Variants in SLIT1 observed in about 807,000 individuals in gnomAD.
SLIT1 encodes the protein slit guidance ligand 1.
A neutral mutation model predicts 186.1 loss-of-function variants in SLIT1; 66 were observed. The observed-to-expected ratio is 0.35, with a 90% CI of 0.29 to 0.44. The LOEUF (loss-of-function observed/expected upper bound fraction) is 0.44. Ranked by LOEUF, SLIT1 falls within the 20% of genes least tolerant of loss-of-function variation. SLIT1 has a pLI of 1.00. For missense variants in SLIT1, 1,638 were observed against 2,037.4 expected, an observed-to-expected ratio of 0.80 and a Z score of 3.77; for synonymous variants, 761 against 833.8, an observed-to-expected ratio of 0.91 and a Z score of 1.50.
intron 4 of SLIT1, among the ~76,000 whole-genome samples, chr10:97,144,981 A>G (rs1849801803): frequency 1.3e-5 from 2 of 152,280 alleles, no homozygotes; most frequent in South Asian, 4.2e-4. Context: ...ATCAGTACCC[A>G]GGATCACTGG....
chr10:97,136,194 T>G (rs1357245922), intron 4 of SLIT1, among the ~76,000 whole-genome samples: 1 of 152,144 alleles, frequency 6.6e-6, no homozygotes, highest in African/African-American at 2.4e-5. Flanking sequence ...TGTGTCACCT[T>G]GTCCCCTCAT....
At chr10:97,137,759 T>C (rs903680451) in intron 4 of SLIT1, among the ~76,000 whole-genome samples, 1 of 152,140 alleles carries the variant, frequency 6.6e-6, no homozygotes, top group Non-Finnish European at 1.5e-5. Flanking sequence ...CTAATTTTTG[T>C]ATTTTCTGTA....
At chr10:97,066,652 G>A (rs539674924) in intron 4 of SLIT1, among the ~76,000 whole-genome samples, 9 of 152,246 alleles carry the variant, frequency 5.9e-5, no homozygotes, top group East Asian at 1.9e-4. Context: ...TCAGGCTTCC[G>A]CCATGAGAAA....
At position 97,004,374 on chromosome 10, in the gene SLIT1, A is replaced by G; in HGVS notation, c.3711-152T>C. The G allele has an allele frequency of 1.2e-6, 1 of 806,270 alleles. No homozygotes were observed. The highest frequency in any genetic ancestry group is 2.7e-5 in the Admixed American group (1 of 37,188). 49.9% of individuals were successfully genotyped at this position (806,270 alleles called of 1,614,324 possible). On this transcript the variant is annotated intron_variant, in intron 33 of 36. Transcript: ENST00000266058. The surrounding 1 kb of genome is among the most constrained non-coding windows in gnomAD (Gnocchi z 5.1). ...TGGGGGCTCAAGGGTCTATCGCATG[A>G]TCCCTTTCACTCCCCTTCTTTGACT...
chr10:97,041,968 T>C (rs910816299), intron 20 of SLIT1, among the ~76,000 whole-genome samples: 2 of 152,086 alleles, frequency 1.3e-5, no homozygotes, highest in Non-Finnish European at 2.9e-5. Flanking sequence ...CAGACATTTT[T>C]AAAAAGACTT....
chr10:97,105,273 T>C (rs1055696169), intron 4 of SLIT1, among the ~76,000 whole-genome samples: 1 of 152,194 alleles, frequency 6.6e-6, no homozygotes, highest in Admixed American at 6.5e-5. Flanking sequence ...GGTAAGTTAT[T>C]TGACAAGATA....
intron 4 of SLIT1, among the ~76,000 whole-genome samples, chr10:97,115,389 A>G (rs1039865074): frequency 1.3e-5 from 2 of 152,106 alleles, no homozygotes; most frequent in African/African-American, 4.8e-5. Flanking sequence ...GCCCACATCC[A>G]TGCTTTCAAA....
rs187751353 is a variant in SLIT1 at position 97,184,772 on chromosome 10, G to A, written c.197+706C>T. On this transcript the variant is annotated intron_variant, in intron 1 of 36. Transcript: ENST00000266058. This position sits in a 1 kb window ranked among gnomAD's most constrained non-coding sequence, Gnocchi z 4.4. ...TCCTGACTTCTTGGCATTATCCACC[G>A]GGTTCTCCATCCAAGACACACCTGC... Among the ~76,000 whole-genome samples the A allele has an allele frequency of 1.3e-5, 2 of 152,256 alleles. No homozygotes were observed. The highest frequency in any genetic ancestry group is 4.8e-5 in the African/African-American group (2 of 41,552).
In SLIT1 at chr10:97,001,317, A is replaced by G; in HGVS notation, c.4400T>C (p.Phe1467Ser). 2 of 1,613,082 alleles carry G rather than the reference A, an allele frequency of 1.2e-6. No individual in the cohort carries two copies. Among genetic ancestry groups the G allele is most frequent in the Non-Finnish European group, 1.7e-6 (2 of 1,179,962 alleles). Reference protein sequence around the residue: ...SECRGDPVRDFHQVQRGYAIC... With the variant: ...SECRGDPVRDSHQVQRGYAIC... The stretch of plus-strand genomic sequence containing the variant: ...GGCATAGCCCCTCTGGACCTGGTGA[A>G]AGTCCCGGACAGGGTCCCCCCGGCA... Residue 1467 changes from phenylalanine (F) to serine (S), a missense_variant, in exon 37 of 37, where the codon TTT becomes TCT. This residue lies in a region of SLIT1 where 220 missense variants were observed against 211.3 expected (regional missense o/e 1.04). Coordinates refer to ENST00000266058, the MANE Select transcript of SLIT1 (RefSeq NM_003061.3).
At chr10:97,017,645 G>A (rs1406427285) in intron 28 of SLIT1, among the ~76,000 whole-genome samples, 7 of 152,144 alleles carry the variant, frequency 4.6e-5, no homozygotes, top group Admixed American at 1.3e-4. Flanking sequence ...CTCATGAGAT[G>A]GGGGGACCCC....
intron 18 of SLIT1, among the ~76,000 whole-genome samples, chr10:97,044,765 G>A (rs764483128): frequency 6.6e-6 from 1 of 152,144 alleles, no homozygotes; most frequent in Non-Finnish European, 1.5e-5. Context: ...GTTTTCACCC[G>A]ACTACTCCAT....
At chr10:97,181,067 T>C (rs1459055380) in intron 1 of SLIT1, among the ~76,000 whole-genome samples, 1 of 152,166 alleles carries the variant, frequency 6.6e-6, no homozygotes, top group Non-Finnish European at 1.5e-5. Flanking sequence ...GCTGTCGTCG[T>C]CCCGTTTTAC....
intron 8 of SLIT1, 82 bp downstream of exon 8, chr10:97,063,373 T>TA: frequency 6.7e-7 from 1 of 1,483,888 alleles, no homozygotes; most frequent in Non-Finnish European, 9.4e-7. Flanking sequence ...GGCCAGGTAT[T>TA]AATGTCGAGA....
intron 22 of SLIT1, among the ~76,000 whole-genome samples, chr10:97,036,077 C>T (rs751120826): frequency 9.2e-5 from 14 of 152,170 alleles, no homozygotes; most frequent in Non-Finnish European, 1.5e-4. Flanking sequence ...GCCATGACTT[C>T]GGGGCCTTCA....
At chr10:97,044,540 C>T (rs1848718588) in intron 18 of SLIT1, among the ~76,000 whole-genome samples, 1 of 152,174 alleles carries the variant, frequency 6.6e-6, no homozygotes, top group South Asian at 2.1e-4. Flanking sequence ...CAAAAATGTT[C>T]AATGTTACTA....
At chr10:97,110,914 G>C (rs564083602) in intron 4 of SLIT1, among the ~76,000 whole-genome samples, 2 of 152,304 alleles carry the variant, frequency 1.3e-5, no homozygotes, top group Admixed American at 1.3e-4. Flanking sequence ...TTTTCAAAAA[G>C]AGGGTTGGCT....
chr10:97,149,041 G>A (rs1433089177), intron 4 of SLIT1, among the ~76,000 whole-genome samples: 2 of 152,174 alleles, frequency 1.3e-5, no homozygotes, highest in Non-Finnish European at 2.9e-5. Flanking sequence ...CTGACCGCTC[G>A]CCACCCCCCC....
intron 25 of SLIT1, among the ~76,000 whole-genome samples, chr10:97,030,017 T>C (rs1357431359): frequency 6.6e-6 from 1 of 152,244 alleles, no homozygotes; most frequent in Admixed American, 6.5e-5. Flanking sequence ...GTTTTGTTTA[T>C]CATCTGTGGA....
At chr10:97,182,673 T>C (rs764710572) in intron 1 of SLIT1, among the ~76,000 whole-genome samples, 2 of 152,184 alleles carry the variant, frequency 1.3e-5, no homozygotes, top group South Asian at 2.1e-4. Flanking sequence ...AGTTCACATA[T>C]AGAAAGTCTT....
Sources: allele counts gnomAD v4.1 joint callset (sites outside exome capture counted in the v4.1 genomes callset), GRCh38; gene constraint gnomAD v4.1.1; regional missense constraint gnomAD v4.1.1; non-coding constraint Gnocchi (gnomAD v3.1); transcripts MANE v1.5; gene names NCBI Gene and HGNC (gene_info 2026-07-23, HGNC 2026-07-21).